LMBRD1: variants seen among roughly 807,000 people sequenced by gnomAD.
LMBRD1 encodes the protein lysosomal cobalamin transport escort protein LMBD1.
Under a neutral mutation model 74.8 loss-of-function variants are expected in LMBRD1, and 64 were observed. That is an observed-to-expected ratio of 0.86 (90% CI 0.70 to 1.05). The LOEUF (loss-of-function observed/expected upper bound fraction) is 1.05, where lower values mean the gene tolerates loss of function less well. LMBRD1 is among the 50% of genes least tolerant of loss of function. The pLI is 0.00. For synonymous variants in LMBRD1, 204 were observed against 216.3 expected (o/e 0.94, Z 0.50); for missense variants, 652 against 645.9 (o/e 1.01, Z -0.10).
At chr6:69,773,247 G>A (rs1345562706) in intron 3 of LMBRD1, among the ~76,000 whole-genome samples, 1 of 152,096 alleles carries the variant, frequency 6.6e-6, no homozygotes, top group African/African-American at 2.4e-5. Flanking sequence ...AAAAGGATGT[G>A]TGTGCCTCCA....
intron 14 of LMBRD1, among the ~76,000 whole-genome samples, chr6:69,696,537 C>T (rs1766000614): frequency 6.6e-6 from 1 of 152,152 alleles, no homozygotes; most frequent in South Asian, 2.1e-4. Flanking sequence ...GTTTCAAACT[C>T]TCTTGAACAC....
At chr6:69,780,117 C>CTT (rs34490213) in intron 3 of LMBRD1, among the ~76,000 whole-genome samples, 31 of 115,260 alleles carry the variant, frequency 2.7e-4, no homozygotes, top group Admixed American at 5.6e-4. Flanking sequence ...TGGGAGGGTC[C>CTT]TTTTTTTTTT....
chr6:69,790,565 G>A lies in LMBRD1; in HGVS notation c.70-93C>T. The A allele has an allele frequency of 4.1e-6, 5 of 1,232,634 alleles. No individual in the cohort carries two copies. The Admixed American group carries it at 7.0e-5, about 17-fold the overall frequency. The allele number at this position is 1,232,634 out of a possible 1,614,324, so 76.4% of individuals were successfully genotyped here. Reference sequence around the variant, plus strand: ...GAAAGTTTCTAGCAGGAAACCTTATGTGAAGTAAAGGTTATTTTAGTTGTG... The same window carrying A: ...GAAAGTTTCTAGCAGGAAACCTTATATGAAGTAAAGGTTATTTTAGTTGTG... On this transcript the variant is annotated intron_variant, in intron 1 of 15. Coordinates refer to ENST00000649934, the MANE Select transcript of LMBRD1 (RefSeq NM_018368.4).
In LMBRD1 at chr6:69,765,921, T is replaced by G. The variant is rs73486014; in HGVS notation, c.308-13565A>C. ...TTCTCAGTTCATCTGAATTGTCTGT[T>G]TCTAGTTTTCATATCAATCTTATAC... On this transcript the variant is annotated intron_variant, in intron 3 of 15. Coordinates refer to ENST00000649934, the MANE Select transcript of LMBRD1 (RefSeq NM_018368.4). Among the ~76,000 whole-genome samples the G allele has an allele frequency of 5.0e-3, 761 of 152,110 alleles. 4 individuals are homozygous for G. Among genetic ancestry groups the G allele is most frequent in the African/African-American group, 0.014 (601 of 41,556 alleles).
At chr6:69,696,129 ACAC>A (rs944029017) in intron 14 of LMBRD1, among the ~76,000 whole-genome samples, 3 of 152,140 alleles carry the variant, frequency 2.0e-5, no homozygotes, top group Non-Finnish European at 4.4e-5. Context: ...TCAGCTGGTA[ACAC>A]CAAAATTAAT....
intron 7 of LMBRD1, among the ~76,000 whole-genome samples, chr6:69,727,281 T>C (rs1271730487): frequency 1.3e-5 from 2 of 152,354 alleles, no homozygotes; most frequent in East Asian, 3.9e-4. Flanking sequence ...TATTATGCAT[T>C]GCATGCCTAT....
At chr6:69,796,748 C>A (rs1358357729) in intron 1 of LMBRD1, 65 bp downstream of exon 1, 1 of 1,500,574 alleles carries the variant, frequency 6.7e-7, no homozygotes, top group Non-Finnish European at 9.2e-7. Context: ...AGGCCAACTG[C>A]AGGGCCTGCC....
At position 69,701,943 on chromosome 6, in the gene LMBRD1, C is replaced by G; in HGVS notation, c.926G>C (p.Gly309Ala). The G allele has an allele frequency of 3.8e-6, 6 of 1,598,562 alleles. No homozygotes were observed. Among genetic ancestry groups the G allele is most frequent in the Non-Finnish European group, 5.1e-6 (6 of 1,167,054 alleles). Residue 309 changes from glycine to alanine, a missense_variant, in exon 10 of 16, where the codon GGA becomes GCA. Gly to Ala is a moderately conservative substitution (Grantham distance 60). Coordinates refer to ENST00000649934, the MANE Select transcript of LMBRD1 (RefSeq NM_018368.4). ...GALRPLKIVW[G>A]IFFILVALLF... is the part of the protein sequence containing the mutation. ...CAATGCAACTAAGATGAAAAATATT[C>G]CCCAGACGATCTAAAAGCAAAAATA...
rs1767138626 is a variant in LMBRD1, at chr6:69,743,047, A to AACAAATTATT, written c.474-1171_474-1170insAATAATTTGT. On this transcript the variant is annotated intron_variant, in intron 5 of 15. Coordinates refer to ENST00000649934, the MANE Select transcript of LMBRD1 (RefSeq NM_018368.4). ...TTGCCCCAGGTATGAAATCAAACAA[A>AACAAATTATT]TGAAAGCAGAGGTGTGGAATCAAGA... Among the ~76,000 whole-genome samples the AACAAATTATT allele has an allele frequency of 4.6e-5, 7 of 152,202 alleles. No individual in the cohort carries two copies. The South Asian group carries it at 1.4e-3, about 31-fold the overall frequency.
At chr6:69,786,530 C>T (rs1261793191) in intron 2 of LMBRD1, among the ~76,000 whole-genome samples, 1 of 151,596 alleles carries the variant, frequency 6.6e-6, no homozygotes, top group Non-Finnish European at 1.5e-5. Flanking sequence ...TGTATATCCC[C>T]ATCCAATGTT....
In LMBRD1 at chr6:69,760,065, A is replaced by G. The variant is rs77249230; in HGVS notation, c.308-7709T>C. Among the ~76,000 whole-genome samples the G allele has an allele frequency of 8.1e-4, 123 of 152,314 alleles. 3 individuals carry two copies. The East Asian group carries it at 0.021, about 26-fold the overall frequency. ...CTTCTAATAAGAATTACATTAGTAC[A>G]AACACTTAGCAAAATAGCTTGTCAT... On this transcript the variant is annotated intron_variant, in intron 3 of 15. Transcript: ENST00000649934.
At chr6:69,709,177 T>C (rs1026877485) in intron 9 of LMBRD1, among the ~76,000 whole-genome samples, 1 of 151,210 alleles carries the variant, frequency 6.6e-6, no homozygotes, top group Non-Finnish European at 1.5e-5. Flanking sequence ...GAGCTTGCGG[T>C]GAGCCGAGAT....
In LMBRD1 at chr6:69,676,235, CT is replaced by C. The variant is rs762381026; in HGVS notation, c.1545del (p.Lys517ArgfsTer8). On this transcript the variant is annotated frameshift_variant, in exon 16 of 16. Coordinates refer to ENST00000649934, the MANE Select transcript of LMBRD1 (RefSeq NM_018368.4). LOFTEE classifies it high-confidence loss of function. ...ACTCCTTCAATAACCGATTTCTTCC[CT>C]TTACAACAGGATACAATTAATCCAA... ...FLIGLIVSCC[K>X]GKKSVIEGVD... The C allele has an allele frequency of 6.2e-7, 1 of 1,613,354 alleles. No homozygotes were observed. The highest frequency in any genetic ancestry group is 8.5e-7 in the Non-Finnish European group (1 of 1,179,668).
At chr6:69,789,234 C>G (rs541240086) in intron 2 of LMBRD1, among the ~76,000 whole-genome samples, 4 of 151,852 alleles carry the variant, frequency 2.6e-5, no homozygotes, top group Non-Finnish European at 5.9e-5. Context: ...AATTATTTAC[C>G]CCATTTGGAC....
chr6:69,769,742 GTTTTTT>G (rs58498427), intron 3 of LMBRD1, among the ~76,000 whole-genome samples: 1 of 144,928 alleles, frequency 6.9e-6, no homozygotes, highest in African/African-American at 2.5e-5. Flanking sequence ...TTTTTTTAGT[GTTTTTT>G]TTTTTTAATT....
At chr6:69,756,396 T>C (rs752115201) in intron 3 of LMBRD1, among the ~76,000 whole-genome samples, 19 of 150,604 alleles carry the variant, frequency 1.3e-4, no homozygotes, top group Non-Finnish European at 2.5e-4. Context: ...AATATATACA[T>C]TGGTCAACAA....
At chr6:69,700,254 A>G (rs1236763965) in intron 12 of LMBRD1, among the ~76,000 whole-genome samples, 3 of 151,920 alleles carry the variant, frequency 2.0e-5, no homozygotes, top group Non-Finnish European at 4.4e-5. Flanking sequence ...TTCATTTTAA[A>G]ATTGTTAATT....
chr6:69,719,381 G>GT (rs1474412066), intron 7 of LMBRD1, among the ~76,000 whole-genome samples: 1 of 151,684 alleles, frequency 6.6e-6, no homozygotes, highest in African/African-American at 2.4e-5. Flanking sequence ...CTAATCGAAG[G>GT]TTAAGATACT....
chr6:69,694,040 A>T (rs1765944746), intron 14 of LMBRD1, among the ~76,000 whole-genome samples: 1 of 152,124 alleles, frequency 6.6e-6, no homozygotes, highest in Non-Finnish European at 1.5e-5. Flanking sequence ...TCAGTAGTTC[A>T]AAGGGAATCA....
Sources: gnomAD v4.1 joint callset for allele counts (sites outside exome capture counted in the v4.1 genomes callset) on GRCh38, gnomAD v4.1.1 for gene constraint, MANE v1.5 for transcripts, NCBI Gene and HGNC (gene_info 2026-07-23, HGNC 2026-07-21) for gene names.